Variants in ST8SIA2 observed in about 807,000 individuals in gnomAD.
ST8SIA2 encodes the protein ST8 alpha-N-acetyl-neuraminide alpha-2,8-sialyltransferase 2, also known as alpha-2,8-sialyltransferase 8B.
In ST8SIA2, 22 loss-of-function variants were observed where a neutral mutation model predicts 37.6. The observed-to-expected ratio is 0.58, with a 90% CI of 0.42 to 0.83. ST8SIA2 has a LOEUF of 0.83. Among genes scored for constraint, ST8SIA2 ranks in the 40% least tolerant of loss-of-function variants. The pLI is 0.00. For missense variants in ST8SIA2, 382 were observed against 484.7 expected (o/e 0.79, Z 1.99); for synonymous variants, 205 against 201.2 (o/e 1.02, Z -0.16).
chr15:92,416,432 C>T (rs911548955), intron 1 of ST8SIA2, among the ~76,000 whole-genome samples: 1 of 151,900 alleles, frequency 6.6e-6, no homozygotes, highest in African/African-American at 2.4e-5. Flanking sequence ...GATCAGACAC[C>T]GAGGGACAAT....
chr15:92,420,980 T>A (rs1022329299), intron 1 of ST8SIA2: 3 of 152,150 alleles, frequency 2.0e-5, no homozygotes, highest in African/African-American at 7.2e-5. Context: ...GTGTGTGAAA[T>A]TGGGGGACAG....
intron 1 of ST8SIA2, among the ~76,000 whole-genome samples, chr15:92,395,082 C>G (rs900089822): frequency 2.6e-5 from 4 of 152,146 alleles, no homozygotes; most frequent in Admixed American, 6.5e-5. Flanking sequence ...CGCCCCGCAG[C>G]CTTCGGCTCG....
intron 1 of ST8SIA2, among the ~76,000 whole-genome samples, chr15:92,423,596 T>G (rs11074070): frequency 0.43 from 64,747 of 152,170 alleles, 14,932 homozygotes; most frequent in East Asian, 0.7. Flanking sequence ...AGATGGCACG[T>G]TGAGCACTGC....
intron 1 of ST8SIA2, among the ~76,000 whole-genome samples, chr15:92,399,731 T>G (rs935988963): frequency 2.0e-5 from 3 of 152,186 alleles, no homozygotes; most frequent in Non-Finnish European, 4.4e-5. Context: ...TTGCCAACTG[T>G]TCCAAACATC....
rs2049417015 is a variant in ST8SIA2, at chr15:92,394,673, G to T, written c.98+511G>T. Among the ~76,000 whole-genome samples the T allele has an allele frequency of 2.0e-5, 3 of 152,268 alleles. No homozygotes were observed. In the South Asian group the frequency reaches 6.2e-4, roughly 32 times the overall value. On this transcript the variant is annotated intron_variant, in intron 1 of 5. Transcript: ENST00000268164. ...GGTTCTGCATGGGCTACTGGGAAGCGGAATGTCCCCTGCACACACAGACAG... is the reference window on the plus strand; with the variant it reads ...GGTTCTGCATGGGCTACTGGGAAGCTGAATGTCCCCTGCACACACAGACAG...
At chr15:92,429,931 TGA>T in intron 1 of ST8SIA2, 116 bp from the exon 2 acceptor site, 1 of 1,082,534 alleles carries the variant, frequency 9.2e-7, no homozygotes, top group East Asian at 2.5e-5. Context: ...GAGTCCAGAA[TGA>T]GGTCTCTTCC....
chr15:92,396,515 A>G (rs930316186), intron 1 of ST8SIA2, among the ~76,000 whole-genome samples: 1 of 144,160 alleles, frequency 6.9e-6, no homozygotes, highest in Non-Finnish European at 1.5e-5. Flanking sequence ...TTTTTTTGAG[A>G]CGGAGTCTCA....
chr15:92,407,977 A>G (rs1483115889), intron 1 of ST8SIA2, among the ~76,000 whole-genome samples: 6 of 152,180 alleles, frequency 3.9e-5, no homozygotes, highest in African/African-American at 1.4e-4. Context: ...ATGCAATGAC[A>G]TCCCAGCCTT....
rs891252622 is a variant in ST8SIA2, at chr15:92,428,183, G to A, written c.99-1866G>A. 2.0e-5 allele frequency among the ~76,000 whole-genome samples: 3 copies of A among 152,072 alleles called. No homozygotes were observed. In the East Asian group the frequency reaches 5.8e-4, roughly 29 times the overall value. Reference sequence around the variant, plus strand: ...AAGACATGAAACCTGATTTCACAGAGGATATTGCTTAGGGTAAGGGTAAGT... The same window carrying A: ...AAGACATGAAACCTGATTTCACAGAAGATATTGCTTAGGGTAAGGGTAAGT... On this transcript the variant is annotated intron_variant, in intron 1 of 5. Coordinates refer to ENST00000268164, the MANE Select transcript of ST8SIA2 (RefSeq NM_006011.4).
chr15:92,409,328 T>G (rs963032373), intron 1 of ST8SIA2, among the ~76,000 whole-genome samples: 5 of 152,228 alleles, frequency 3.3e-5, no homozygotes, highest in African/African-American at 1.2e-4. Flanking sequence ...AATCTTACCT[T>G]TTGAAGCTCA....
chr15:92,440,642 A>T (rs1596244018), intron 4 of ST8SIA2, among the ~76,000 whole-genome samples: 2 of 152,150 alleles, frequency 1.3e-5, no homozygotes, highest in African/African-American at 4.8e-5. Flanking sequence ...GGACAAGATT[A>T]TGCAGCCCCA....
chr15:92,419,761 C>T (rs979210120), intron 1 of ST8SIA2, among the ~76,000 whole-genome samples: 1 of 152,200 alleles, frequency 6.6e-6, no homozygotes, highest in African/African-American at 2.4e-5. Context: ...CAACCAACAG[C>T]ATACATATAT....
chr15:92,404,858 A>G (rs2049496586), intron 1 of ST8SIA2, among the ~76,000 whole-genome samples: 1 of 151,872 alleles, frequency 6.6e-6, no homozygotes. Context: ...AAAATTGGAA[A>G]CAGGGACTCA....
intron 5 of ST8SIA2, among the ~76,000 whole-genome samples, chr15:92,462,684 G>A (rs1348132989): frequency 6.6e-6 from 1 of 152,206 alleles, no homozygotes; most frequent in African/African-American, 2.4e-5. Context: ...TAGTTAGGGA[G>A]GGCAAACCAT....
intron 1 of ST8SIA2, among the ~76,000 whole-genome samples, chr15:92,426,068 G>A (rs2049673675): frequency 6.6e-6 from 1 of 152,186 alleles, no homozygotes; most frequent in Non-Finnish European, 1.5e-5. Context: ...GCCCGCAGGA[G>A]GAAGCCGAAC....
intron 1 of ST8SIA2, among the ~76,000 whole-genome samples, chr15:92,425,816 G>T (rs2049671237): frequency 6.6e-6 from 1 of 152,120 alleles, no homozygotes; most frequent in African/African-American, 2.4e-5. Flanking sequence ...GGGAATACCT[G>T]GCCCTACAAC....
chr15:92,431,280 A>G (rs2049713893), intron 2 of ST8SIA2, among the ~76,000 whole-genome samples: 1 of 152,158 alleles, frequency 6.6e-6, no homozygotes, highest in Non-Finnish European at 1.5e-5. Context: ...GAAGTGGAAA[A>G]AAACAGTCCT....
At chr15:92,441,618 C>G (rs1372523562) in intron 4 of ST8SIA2, among the ~76,000 whole-genome samples, 4 of 145,646 alleles carry the variant, frequency 2.7e-5, no homozygotes, top group African/African-American at 1.0e-4. Flanking sequence ...CACACACACA[C>G]ACGCACTTCT....
chr15:92,407,507 G>A (rs868231438), intron 1 of ST8SIA2, among the ~76,000 whole-genome samples: 2 of 152,186 alleles, frequency 1.3e-5, no homozygotes, highest in African/African-American at 4.8e-5. Context: ...GCTGGGATGC[G>A]ATCTTTCACA....
Sources: gnomAD v4.1 joint callset for allele counts (sites outside exome capture counted in the v4.1 genomes callset) on GRCh38, gnomAD v4.1.1 for gene constraint, MANE v1.5 for transcripts, NCBI Gene and HGNC (gene_info 2026-07-23, HGNC 2026-07-21) for gene names.